BTNL3: variants seen among roughly 807,000 people sequenced by gnomAD.
BTNL3 encodes butyrophilin-like protein 3.
Under a neutral mutation model 40.1 loss-of-function variants are expected in BTNL3, and 20 were observed. The ratio of observed to expected loss-of-function variants is 0.50; its 90% CI spans 0.35 to 0.72. The LOEUF is 0.72. BTNL3 is among the 30% of genes least tolerant of loss of function. BTNL3 has a pLI of 0.01. For synonymous variants in BTNL3, 179 were observed against 222.1 expected (o/e 0.81, Z 1.73); for missense variants, 449 against 582.2 (o/e 0.77, Z 2.35).
rs529841827 is a variant in BTNL3, at chr5:181,005,928, G to A, written c.*56G>A. ...CACCACAGACCCAGACACAGCCAAG[G>A]GAGAGTGCTCCCGACAGGTGGCCCC... On this transcript the variant is annotated 3_prime_UTR_variant, in exon 8 of 8. Coordinates refer to ENST00000342868, the MANE Select transcript of BTNL3 (RefSeq NM_197975.3). 1 of 1,502,578 alleles carries A rather than the reference G, an allele frequency of 6.7e-7. No individual in the cohort carries two copies. The highest frequency in any genetic ancestry group is 2.3e-5 in the East Asian group (1 of 43,192). 93.1% of individuals were successfully genotyped at this position (1,502,578 alleles called of 1,614,324 possible).
chr5:181,006,026 C>T lies in BTNL3; in HGVS notation c.*154C>T. ...CCTTTAGGGAGCTGAGGTTCTTCTGCCCTGAGCCCTGCAGCAGCGGCAGTC... is the reference window on the plus strand; with the variant it reads ...CCTTTAGGGAGCTGAGGTTCTTCTGTCCTGAGCCCTGCAGCAGCGGCAGTC... On this transcript the variant is annotated 3_prime_UTR_variant, in exon 8 of 8. Coordinates refer to ENST00000342868, the MANE Select transcript of BTNL3 (RefSeq NM_197975.3). 1 of 832,894 alleles carries T rather than the reference C, an allele frequency of 1.2e-6. No homozygotes were observed. Among genetic ancestry groups the T allele is most frequent in the Non-Finnish European group, 1.8e-6 (1 of 559,006 alleles). 51.6% of individuals were successfully genotyped at this position (832,894 alleles called of 1,614,324 possible).
rs765890201 is a variant in BTNL3 at position 181,002,718 on chromosome 5, C to T, written c.720C>T (p.Leu240=). The change falls in exon 4 of 8, where the codon CTC becomes CTT. Residue 240 remains leucine, a synonymous_variant. Coordinates refer to ENST00000342868, the MANE Select transcript of BTNL3 (RefSeq NM_197975.3). The stretch of plus-strand genomic sequence containing the variant: ...CTTGGCGCCTGGCTTCTATTTTACT[C>T]GGGTTACTCTGTGGTGCCCTGTGTG... ...PSPWRLASIL[L]GLLCGALCGV... The T allele has an allele frequency of 2.5e-5, 37 of 1,456,146 alleles. 10 individuals are homozygous for T. Among genetic ancestry groups the T allele is most frequent in the Admixed American group, 9.5e-5 (5 of 52,414 alleles). 90.2% of individuals were successfully genotyped at this position (1,456,146 alleles called of 1,614,324 possible).
chr5:181,006,626 A>G lies in BTNL3; in HGVS notation c.*754A>G, dbSNP rs2060907009. Reference sequence around the variant, plus strand: ...AACAATATATTTAAAGATGATATATAACTACTCAGTGTGGTTTGTCCCACA... The same window carrying G: ...AACAATATATTTAAAGATGATATATGACTACTCAGTGTGGTTTGTCCCACA... On this transcript the variant is annotated 3_prime_UTR_variant, in exon 8 of 8. Coordinates refer to ENST00000342868, the MANE Select transcript of BTNL3 (RefSeq NM_197975.3). 6.6e-6 allele frequency: 1 copy of G among 152,268 alleles called. No homozygotes were observed. Among genetic ancestry groups the G allele is most frequent in the African/African-American group, 2.4e-5 (1 of 41,470 alleles). The allele number at this position is 152,268 out of a possible 1,614,324, so 9.4% of individuals were successfully genotyped here.
chr5:181,002,415 G>A (rs1455193895), intron 3 of BTNL3, among the ~76,000 whole-genome samples: 3 of 88,226 alleles, frequency 3.4e-5, no homozygotes, highest in African/African-American at 3.6e-5. Context: ...AAATCCAGAT[G>A]GATCAAGACT....
chr5:180,995,226 GA>G lies in BTNL3; in HGVS notation c.398-1985del, dbSNP rs1430328307. ...TTTTTGTTTTTTAAATTTTTTGAGA[GA>G]ATTCATAATTGCTTTTTGAAACATT... is the stretch of plus-strand genomic sequence containing the variant. On this transcript the variant is annotated intron_variant, in intron 2 of 7. Transcript: ENST00000342868. Among the ~76,000 whole-genome samples the G allele has an allele frequency of 1.5e-5, 2 of 136,608 alleles. 1 individual carries two copies. The highest frequency in any genetic ancestry group is 3.3e-5 in the Non-Finnish European group (2 of 59,796). The allele number at this position is 136,608 out of a possible 152,430, so 89.6% of individuals were successfully genotyped here.
At chr5:180,992,584 T>C (rs1182451985) in intron 1 of BTNL3, among the ~76,000 whole-genome samples, 1 of 137,170 alleles carries the variant, frequency 7.3e-6, no homozygotes, top group African/African-American at 2.5e-5. Flanking sequence ...GTGGGAATAT[T>C]GATAGCACAT....
rs1456676510 is a variant in BTNL3 at position 180,992,732 on chromosome 5, C to G, written c.50-81C>G. The G allele has an allele frequency of 1.1e-5, 15 of 1,402,190 alleles. 3 individuals are homozygous for G. Among genetic ancestry groups the G allele is most frequent in the Non-Finnish European group, 1.5e-5 (15 of 1,024,328 alleles). 86.9% of individuals were successfully genotyped at this position (1,402,190 alleles called of 1,614,324 possible). A position where few individuals can be genotyped will look rare whatever the true frequency, so the allele number is the denominator to read the frequency against. ...GACTGATGGATCCCCCACCCCATAC[C>G]CCACACTTCTCCACCCACCAGAGCC... On this transcript the variant is annotated intron_variant, in intron 1 of 7. Transcript: ENST00000342868.
rs142097472 is a variant in BTNL3, at chr5:181,001,564, G to A, written c.674-1108G>A. On this transcript the variant is annotated intron_variant, in intron 3 of 7. Coordinates refer to ENST00000342868, the MANE Select transcript of BTNL3 (RefSeq NM_197975.3). Reference sequence around the variant, plus strand: ...ACTCCTGTCCTTAAGAAATCCTCCCGGCCAGGCGCGGTGGCTCATGCCTGT... The same window carrying A: ...ACTCCTGTCCTTAAGAAATCCTCCCAGCCAGGCGCGGTGGCTCATGCCTGT... 3.0e-5 allele frequency among the ~76,000 whole-genome samples: 4 copies of A among 133,292 alleles called. 1 individual carries two copies. The highest frequency in any genetic ancestry group is 2.2e-4 in the East Asian group (1 of 4,470). The allele number at this position is 133,292 out of a possible 152,430, so 87.4% of individuals were successfully genotyped here. A position where few individuals can be genotyped will look rare whatever the true frequency, so the allele number is the denominator to read the frequency against.
At chr5:181,000,544 C>T (rs1379334283) in intron 3 of BTNL3, among the ~76,000 whole-genome samples, 1 of 136,198 alleles carries the variant, frequency 7.3e-6, no homozygotes, top group Non-Finnish European at 1.7e-5. Context: ...CGGTGGCTCA[C>T]GCCTGTAATC....
Position 180,988,962 on chromosome 5 carries a change from C to T in BTNL3, c.-67C>T. 2 of 1,407,576 alleles carry T rather than the reference C, an allele frequency of 1.4e-6. 1 individual carries two copies. Among genetic ancestry groups the T allele is most frequent in the Admixed American group, 4.6e-5 (2 of 43,450 alleles). The allele number at this position is 1,407,576 out of a possible 1,614,324, so 87.2% of individuals were successfully genotyped here. On this transcript the variant is annotated 5_prime_UTR_variant, in exon 1 of 8. Transcript: ENST00000342868. ...GCGCCTGAGACAGCTGGCCTGACCTCCAAATCATCCATCCACCCCTGCTGT... is the reference window on the plus strand; with the variant it reads ...GCGCCTGAGACAGCTGGCCTGACCTTCAAATCATCCATCCACCCCTGCTGT...
In BTNL3 at chr5:181,006,325, T is replaced by G. The variant is rs574706816; in HGVS notation, c.*453T>G. 1 of 274,614 alleles carries G rather than the reference T, an allele frequency of 3.6e-6. No homozygotes were observed. The highest frequency in any genetic ancestry group is 2.2e-5 in the African/African-American group (1 of 45,944). 17.0% of individuals were successfully genotyped at this position (274,614 alleles called of 1,614,324 possible). Reference sequence around the variant, plus strand: ...TGTTTGCTAATGATGTGTTTTTATATTATACATTTTCCCACCATAAACTCT... The same window carrying G: ...TGTTTGCTAATGATGTGTTTTTATAGTATACATTTTCCCACCATAAACTCT... On this transcript the variant is annotated 3_prime_UTR_variant, in exon 8 of 8. Transcript: ENST00000342868.
chr5:181,000,713 G>A lies in BTNL3; in HGVS notation c.674-1959G>A, dbSNP rs2113083754. Among the ~76,000 whole-genome samples the A allele has an allele frequency of 2.2e-5, 3 of 133,450 alleles. 1 individual carries two copies. In the Admixed American group the frequency reaches 2.4e-4, roughly 11 times the overall value. The allele number at this position is 133,450 out of a possible 152,430, so 87.5% of individuals were successfully genotyped here. A position where few individuals can be genotyped will look rare whatever the true frequency, so the allele number is the denominator to read the frequency against. Reference sequence around the variant, plus strand: ...CCCAGCTACTCGGGAGGCTGAGGCAGGAGAATGGCGTGAACCCGGGAAGCG... The same window carrying A: ...CCCAGCTACTCGGGAGGCTGAGGCAAGAGAATGGCGTGAACCCGGGAAGCG... On this transcript the variant is annotated intron_variant, in intron 3 of 7. Transcript: ENST00000342868.
Position 181,002,929 on chromosome 5 carries a change from T to C in BTNL3, c.787+144T>C, listed in dbSNP as rs562146611. The C allele has an allele frequency of 1.7e-4, 171 of 1,020,014 alleles. 25 individuals carry two copies. The highest frequency in any genetic ancestry group is 2.2e-4 in the Non-Finnish European group (159 of 708,186). The allele number at this position is 1,020,014 out of a possible 1,614,324, so 63.2% of individuals were successfully genotyped here. A position where few individuals can be genotyped will look rare whatever the true frequency, so the allele number is the denominator to read the frequency against. On this transcript the variant is annotated intron_variant, in intron 4 of 7. Transcript: ENST00000342868. ...ACCAGCTGAGGCACAGGGAACCCAG[T>C]CTTCAGCCTCCTCTGTGCTGGCCTG... is the stretch of plus-strand genomic sequence containing the variant.
intron 2 of BTNL3, among the ~76,000 whole-genome samples, chr5:180,994,157 T>G (rs1333187728): frequency 1.5e-5 from 2 of 137,566 alleles, no homozygotes; most frequent in Non-Finnish European, 3.3e-5. Context: ...GTTTTCCTTA[T>G]TCTTCTTTTT....
Position 180,997,117 on chromosome 5 carries a change from A to G in BTNL3, c.398-96A>G. 3 of 1,385,406 alleles carry G rather than the reference A, an allele frequency of 2.2e-6. 1 individual carries two copies. In the South Asian group the frequency reaches 3.5e-5, roughly 16 times the overall value. 85.8% of individuals were successfully genotyped at this position (1,385,406 alleles called of 1,614,324 possible). On this transcript the variant is annotated intron_variant, in intron 2 of 7. Coordinates refer to ENST00000342868, the MANE Select transcript of BTNL3 (RefSeq NM_197975.3). ...GAGAGAGAGAGAGAGAAAAGGATGT[A>G]TGTGTGTTATGGGTACAGGCTTGAT...
Position 180,992,919 on chromosome 5 carries a change from A to T in BTNL3, c.156A>T (p.Glu52Asp). Residue 52 changes from glutamate to aspartate, a missense_variant, in exon 2 of 8, where the codon GAA becomes GAT. Physicochemically the swap from Glu to Asp is conservative, Grantham distance 45. Around this residue, in one of 2 missense-constraint regions of BTNL3, gnomAD observed 323 missense variants for 464.9 expected, o/e 0.69. Coordinates refer to ENST00000342868, the MANE Select transcript of BTNL3 (RefSeq NM_197975.3). ...LFPETSAEAMEVRFFRNQFHA... is the reference protein window; with the variant it reads ...LFPETSAEAMDVRFFRNQFHA... ...CTGAGACCAGTGCAGAGGCTATGGAAGTGCGGTTCTTCAGGAATCAGTTCC... is the reference window on the plus strand; with the variant it reads ...CTGAGACCAGTGCAGAGGCTATGGATGTGCGGTTCTTCAGGAATCAGTTCC... 6.8e-7 allele frequency: 1 copy of T among 1,463,288 alleles called. No individual in the cohort carries two copies. The allele number at this position is 1,463,288 out of a possible 1,614,324, so 90.6% of individuals were successfully genotyped here. A position where few individuals can be genotyped will look rare whatever the true frequency, so the allele number is the denominator to read the frequency against.
In BTNL3 at chr5:181,005,379, T is replaced by C; in HGVS notation, c.908T>C (p.Val303Ala). Residue 303 changes from valine to alanine, a missense_variant, in exon 8 of 8, where the codon GTT (valine) becomes GCT (alanine). Physicochemically the swap from Val to Ala is moderately conservative, Grantham distance 64. Around this residue, in one of 2 missense-constraint regions of BTNL3, gnomAD observed 323 missense variants for 464.9 expected, o/e 0.69. Transcript: ENST00000342868. ...DPETAHPKLC[V>A]SDLKTVTHRK... Reference sequence around the variant, plus strand: ...GAGACGGCTCACCCGAAGCTCTGCGTTTCTGATCTGAAAACTGTAACCCAT... The same window carrying C: ...GAGACGGCTCACCCGAAGCTCTGCGCTTCTGATCTGAAAACTGTAACCCAT... 1 of 1,613,430 alleles carries C rather than the reference T, an allele frequency of 6.2e-7. No individual in the cohort carries two copies. Among genetic ancestry groups the C allele is most frequent in the Non-Finnish European group, 8.5e-7 (1 of 1,179,812 alleles).
intron 2 of BTNL3, among the ~76,000 whole-genome samples, chr5:180,995,046 C>T (rs1760018847): frequency 7.3e-6 from 1 of 136,548 alleles, no homozygotes; most frequent in Non-Finnish European, 1.7e-5. Flanking sequence ...CTTGGCCTCC[C>T]AAAGTGCTGG....
In BTNL3 at chr5:181,006,239, T is replaced by C; in HGVS notation, c.*367T>C. On this transcript the variant is annotated 3_prime_UTR_variant, in exon 8 of 8. Transcript: ENST00000342868. The stretch of plus-strand genomic sequence containing the variant: ...CTAGTCACGGACAGTGATTCCTGCC[T>C]CACAGGTGAAGATTAAAGAGACAAC... 1 of 401,722 alleles carries C rather than the reference T, an allele frequency of 2.5e-6. No homozygotes were observed. The highest frequency in any genetic ancestry group is 4.4e-6 in the Non-Finnish European group (1 of 228,154). The allele number at this position is 401,722 out of a possible 1,614,324, so 24.9% of individuals were successfully genotyped here.
Sources: gnomAD v4.1 joint callset for allele counts (sites outside exome capture counted in the v4.1 genomes callset) on GRCh38, gnomAD v4.1.1 for gene constraint, gnomAD v4.1.1 regional missense constraint, MANE v1.5 for transcripts, NCBI Gene and HGNC (gene_info 2026-07-23, HGNC 2026-07-21) for gene names.